Variants in RALGAPA1 observed in about 807,000 individuals in gnomAD.
The protein encoded by RALGAPA1 is ral GTPase-activating protein subunit alpha-1.
In RALGAPA1, 52 loss-of-function variants were observed where a neutral mutation model predicts 269.6. The observed-to-expected ratio is 0.19, with a 90% CI of 0.15 to 0.24. The LOEUF is 0.24. Ranked by LOEUF, RALGAPA1 falls within the 10% of genes least tolerant of loss-of-function variation. RALGAPA1 has a pLI of 1.00. For missense variants in RALGAPA1, 1,917 were observed against 3,013.9 expected (o/e 0.64, Z 8.52); for synonymous variants, 817 against 1,008.3 (o/e 0.81, Z 3.60).
chr14:35,808,234 A>G (rs2077510652), intron 1 of RALGAPA1, among the ~76,000 whole-genome samples: 1 of 152,222 alleles, frequency 6.6e-6, no homozygotes, highest in African/African-American at 2.4e-5. Flanking sequence ...CATTAACAAA[A>G]GGGCGGGGCT....
intron 35 of RALGAPA1, among the ~76,000 whole-genome samples, chr14:35,607,851 C>A (rs891571069): frequency 3.9e-5 from 6 of 152,076 alleles, no homozygotes; most frequent in Admixed American, 3.9e-4. Context: ...CAAGAAGGAC[C>A]CTTTGGGGAT....
rs1177113959 is a variant in RALGAPA1, at chr14:35,605,557, A to G, written c.7053+29T>C. On this transcript the variant is annotated intron_variant, in intron 36 of 41. Coordinates refer to ENST00000680220, the MANE Select transcript of RALGAPA1 (RefSeq NM_001346249.2). Reference sequence around the variant, plus strand: ...AAAATAAGCTTATGCTTCCAAATATAAATATTTCGTATAATTTAAAAATAA... The same window carrying G: ...AAAATAAGCTTATGCTTCCAAATATGAATATTTCGTATAATTTAAAAATAA... The G allele has an allele frequency of 1.9e-6, 3 of 1,552,244 alleles. No homozygotes were observed. In the East Asian group the frequency reaches 6.9e-5, roughly 36 times the overall value.
chr14:35,680,612 T>A (rs1484200642), intron 21 of RALGAPA1, among the ~76,000 whole-genome samples: 1 of 150,134 alleles, frequency 6.7e-6, no homozygotes, highest in African/African-American at 2.5e-5. Flanking sequence ...TTATTTATTT[T>A]TTGCTTTTTT....
intron 39 of RALGAPA1, among the ~76,000 whole-genome samples, chr14:35,558,813 G>T (rs1308386033): frequency 2.0e-5 from 3 of 152,154 alleles, no homozygotes; most frequent in Non-Finnish European, 4.4e-5. Context: ...TTCCCACAGA[G>T]AGTTAAATGG....
chr14:35,772,600 A>C (rs1365109830), intron 3 of RALGAPA1, among the ~76,000 whole-genome samples: 1 of 152,150 alleles, frequency 6.6e-6, no homozygotes, highest in African/African-American at 2.4e-5. Flanking sequence ...TCTTACTATT[A>C]TTTAGAACTC....
intron 24 of RALGAPA1, among the ~76,000 whole-genome samples, chr14:35,673,446 C>T (rs145164308): frequency 2.8e-4 from 43 of 152,228 alleles, no homozygotes; most frequent in Middle Eastern, 3.4e-3. Context: ...GTAGTCTCAG[C>T]TACTTGGAAG....
At chr14:35,751,541 T>C (rs958492837) in intron 8 of RALGAPA1, among the ~76,000 whole-genome samples, 6 of 152,078 alleles carry the variant, frequency 3.9e-5, no homozygotes, top group South Asian at 2.1e-4. Flanking sequence ...CCCAGCACTT[T>C]GGGAGGCTAA....
intron 1 of RALGAPA1, among the ~76,000 whole-genome samples, chr14:35,801,090 C>G (rs2076936867): frequency 6.8e-6 from 1 of 146,360 alleles, no homozygotes; most frequent in African/African-American, 2.5e-5. Flanking sequence ...CACACACACA[C>G]GGAAAAATCA....
rs1360465873 is a variant in RALGAPA1 at position 35,538,560 on chromosome 14, C to T, written c.*1154G>A. ...ATGCCCATTCAAAACAAAATGTGAGCAGCTTATCTACTGTAAGAAAATACT... is the reference window on the plus strand; with the variant it reads ...ATGCCCATTCAAAACAAAATGTGAGTAGCTTATCTACTGTAAGAAAATACT... On this transcript the variant is annotated 3_prime_UTR_variant, in exon 42 of 42. Coordinates refer to ENST00000680220, the MANE Select transcript of RALGAPA1 (RefSeq NM_001346249.2). 6.6e-6 allele frequency: 1 copy of T among 152,660 alleles called. No homozygotes were observed. The highest frequency in any genetic ancestry group is 1.9e-4 in the East Asian group (1 of 5,188). The allele number at this position is 152,660 out of a possible 1,614,324, so 9.5% of individuals were successfully genotyped here.
At chr14:35,795,703 G>A (rs984281767) in intron 1 of RALGAPA1, among the ~76,000 whole-genome samples, 8 of 151,898 alleles carry the variant, frequency 5.3e-5, no homozygotes, top group African/African-American at 1.5e-4. Flanking sequence ...GGCCACACAC[G>A]GTGGCTCACA....
intron 24 of RALGAPA1, 82 bp downstream of exon 24, chr14:35,674,098 T>C (rs2140272188): frequency 9.3e-7 from 1 of 1,079,988 alleles, no homozygotes; most frequent in Non-Finnish European, 1.4e-6. Context: ...TAGAAGTCTA[T>C]ATAATAGCCA....
At chr14:35,710,575 T>C (rs934073007) in intron 16 of RALGAPA1, among the ~76,000 whole-genome samples, 7 of 152,174 alleles carry the variant, frequency 4.6e-5, no homozygotes, top group Non-Finnish European at 1.0e-4. Flanking sequence ...ATCATCTTTA[T>C]GTAATACCCC....
chr14:35,582,727 A>G (rs528613087), intron 37 of RALGAPA1, among the ~76,000 whole-genome samples: 1 of 152,312 alleles, frequency 6.6e-6, no homozygotes, highest in Non-Finnish European at 1.5e-5. Flanking sequence ...GGGGAGGGGA[A>G]AAACAATTAT....
chr14:35,635,023 T>C (rs1385160092), intron 32 of RALGAPA1, among the ~76,000 whole-genome samples: 1 of 151,770 alleles, frequency 6.6e-6, no homozygotes, highest in African/African-American at 2.4e-5. Flanking sequence ...ATACAAAAAT[T>C]AGCCAGGTGT....
At position 35,685,050 on chromosome 14, in the gene RALGAPA1, A is replaced by C; in HGVS notation, c.4173T>G (p.Asp1391Glu). The change falls in exon 20 of 42, where the codon GAT (aspartate) becomes GAG (glutamate). Residue 1391 changes from aspartate to glutamate, a missense_variant. This residue lies in a region of RALGAPA1 where 615 missense variants were observed against 790.0 expected (regional missense o/e 0.78). Coordinates refer to ENST00000680220, the MANE Select transcript of RALGAPA1 (RefSeq NM_001346249.2). ...TCCATTCTGAGGGCACACCTGGGTC[A>C]TCAATAGGGCGCATCTGGTTCTGCT... ...LNKQNQMRPI[D>E]DPGVPSEWTS... 1.2e-6 allele frequency: 2 copies of C among 1,606,604 alleles called. No homozygotes were observed. Among genetic ancestry groups the C allele is most frequent in the Non-Finnish European group, 1.7e-6 (2 of 1,176,264 alleles).
At chr14:35,599,265 TC>T (rs1371300034) in intron 36 of RALGAPA1, among the ~76,000 whole-genome samples, 1 of 152,248 alleles carries the variant, frequency 6.6e-6, no homozygotes, top group African/African-American at 2.4e-5. Context: ...TCCATTTTTT[TC>T]TTGCCATGGT....
At chr14:35,685,597 T>C (rs945698752) in intron 19 of RALGAPA1, among the ~76,000 whole-genome samples, 13 of 151,980 alleles carry the variant, frequency 8.6e-5, no homozygotes, top group African/African-American at 2.7e-4. Context: ...AAATGAAATA[T>C]GACAGTTTAA....
intron 35 of RALGAPA1, among the ~76,000 whole-genome samples, chr14:35,612,760 G>C (rs746443458): frequency 3.9e-5 from 6 of 152,084 alleles, no homozygotes; most frequent in Middle Eastern, 3.4e-3. Context: ...GGATGGTCTC[G>C]ATCTCCTGAC....
chr14:35,776,459 T>G (rs2075034488), intron 1 of RALGAPA1, among the ~76,000 whole-genome samples: 1 of 151,482 alleles, frequency 6.6e-6, no homozygotes, highest in Non-Finnish European at 1.5e-5. Context: ...ACAATAGGCT[T>G]TGTAAATAGG....
Sources: gnomAD v4.1 joint callset for allele counts (sites outside exome capture counted in the v4.1 genomes callset) on GRCh38, gnomAD v4.1.1 for gene constraint, gnomAD v4.1.1 regional missense constraint, MANE v1.5 for transcripts, NCBI Gene and HGNC (gene_info 2026-07-23, HGNC 2026-07-21) for gene names.